SLC44A5: variants seen among roughly 807,000 people sequenced by gnomAD.
SLC44A5 encodes choline transporter-like protein 5.
Under a neutral mutation model 101.8 loss-of-function variants are expected in SLC44A5, and 57 were observed. The ratio of observed to expected loss-of-function variants is 0.56; its 90% CI spans 0.45 to 0.70. SLC44A5 has a LOEUF of 0.70. SLC44A5 is among the 30% of genes least tolerant of loss of function. The probability of loss-of-function intolerance (pLI) is 0.00; values close to 1 mark genes in which losing one functional copy is unlikely to be tolerated. For missense variants in SLC44A5, 737 were observed against 853.1 expected, an observed-to-expected ratio of 0.86 and a Z score of 1.70; for synonymous variants, 281 against 290.9, an observed-to-expected ratio of 0.97 and a Z score of 0.35.
intron 3 of SLC44A5, among the ~76,000 whole-genome samples, chr1:75,372,818 A>G (rs1282966713): frequency 1.3e-5 from 2 of 152,234 alleles, no homozygotes; most frequent in Non-Finnish European, 1.5e-5. Context: ...TTAATGAAAT[A>G]GCTTTGGTTG....
intron 3 of SLC44A5, among the ~76,000 whole-genome samples, chr1:75,373,221 G>C (rs779607200): frequency 1.2e-4 from 18 of 152,112 alleles, no homozygotes; most frequent in Non-Finnish European, 2.6e-4. Context: ...AATATTTTGA[G>C]AGAAAACACC....
At chr1:75,306,860 G>A (rs886346970) in intron 4 of SLC44A5, among the ~76,000 whole-genome samples, 4 of 148,190 alleles carry the variant, frequency 2.7e-5, no homozygotes, top group South Asian at 2.2e-4. Context: ...TCAGCCTCCC[G>A]AGTAGCTGGG....
intron 2 of SLC44A5, among the ~76,000 whole-genome samples, chr1:75,512,149 AATAT>A (rs1280033553): frequency 6.6e-6 from 1 of 152,164 alleles, no homozygotes; most frequent in African/African-American, 2.4e-5. Flanking sequence ...TTTCTCCCTA[AATAT>A]ATAATCTACT....
At chr1:75,659,626 CCAA>C in the SLC44A5 span, among the ~76,000 whole-genome samples, 31 of 35,816 alleles carry the variant, frequency 8.7e-4, no homozygotes, top group African/African-American at 1.5e-3. Context: ...CCCATCTCTA[CCAA>C]AAAAAAAAAA....
At chr1:75,655,238 C>T in the SLC44A5 span, among the ~76,000 whole-genome samples, 1 of 152,080 alleles carries the variant, frequency 6.6e-6, no homozygotes, top group Admixed American at 6.5e-5. Flanking sequence ...TTCACCAATC[C>T]CCCATGACAC....
the SLC44A5 span, among the ~76,000 whole-genome samples, chr1:75,633,850 T>C: frequency 6.6e-6 from 1 of 152,190 alleles, no homozygotes; most frequent in Non-Finnish European, 1.5e-5. Flanking sequence ...TGATATTGGC[T>C]GTGGGTTTGT....
At chr1:75,251,137 G>A (rs1649532903) in intron 7 of SLC44A5, 73 bp downstream of exon 7, 1 of 1,222,764 alleles carries the variant, frequency 8.2e-7, no homozygotes, top group Non-Finnish European at 1.2e-6. Context: ...GAACTCAAAT[G>A]GAATTTCTCA....
At chr1:75,523,370 T>C (rs1670244410) in intron 2 of SLC44A5, among the ~76,000 whole-genome samples, 1 of 152,198 alleles carries the variant, frequency 6.6e-6, no homozygotes. Flanking sequence ...TGGAGTGCAG[T>C]TGTGTGATCT....
At chr1:75,286,532 C>CGTTG (rs1653065251) in intron 5 of SLC44A5, among the ~76,000 whole-genome samples, 1 of 151,870 alleles carries the variant, frequency 6.6e-6, no homozygotes, top group African/African-American at 2.4e-5. Flanking sequence ...GCCTAAATAC[C>CGTTG]TTGATTTTTT....
the SLC44A5 span, among the ~76,000 whole-genome samples, chr1:75,682,352 C>G: frequency 1.3e-5 from 2 of 152,000 alleles, no homozygotes; most frequent in Non-Finnish European, 2.9e-5. Flanking sequence ...TGACTTCAAA[C>G]TATACTACAA....
At chr1:75,457,240 T>C (rs148468406) in intron 2 of SLC44A5, among the ~76,000 whole-genome samples, 28 of 152,322 alleles carry the variant, frequency 1.8e-4, no homozygotes, top group Middle Eastern at 3.4e-3. Context: ...GCCTACCGTA[T>C]GCTTGGGACA....
chr1:75,206,681 G>T (rs757092727), intron 23 of SLC44A5: 2 of 1,612,890 alleles, frequency 1.2e-6, no homozygotes, highest in Non-Finnish European at 8.5e-7. Flanking sequence ...ACGAAGTAGG[G>T]TTTTTCTGTA....
intron 2 of SLC44A5, among the ~76,000 whole-genome samples, chr1:75,423,858 G>A (rs1664154952): frequency 6.6e-6 from 1 of 152,190 alleles, no homozygotes; most frequent in African/African-American, 2.4e-5. Flanking sequence ...ATCAACTGCT[G>A]TTTTCCATTT....
intron 2 of SLC44A5, among the ~76,000 whole-genome samples, chr1:75,532,596 C>A (rs1292047969): frequency 2.6e-5 from 4 of 152,174 alleles, no homozygotes; most frequent in Non-Finnish European, 5.9e-5. Context: ...TATTCTCTAA[C>A]ATACTACATA....
chr1:75,607,739 T>A (rs1675408522), intron 1 of SLC44A5, among the ~76,000 whole-genome samples: 1 of 152,012 alleles, frequency 6.6e-6, no homozygotes, highest in South Asian at 2.1e-4. Flanking sequence ...CCCCTGTACA[T>A]GCTATCTTGC....
chr1:75,630,611 A>T, the SLC44A5 span, among the ~76,000 whole-genome samples: 3 of 151,930 alleles, frequency 2.0e-5, no homozygotes, highest in Admixed American at 2.0e-4. Context: ...TATTATTATT[A>T]TTACTATTAC....
chr1:75,486,841 G>A (rs930532132), intron 2 of SLC44A5, among the ~76,000 whole-genome samples: 1 of 152,158 alleles, frequency 6.6e-6, no homozygotes, highest in Admixed American at 6.5e-5. Flanking sequence ...TACTGTTCTT[G>A]ATATTGTATT....
intron 3 of SLC44A5, 46 bp downstream of exon 3, chr1:75,396,537 C>T (rs1159886262): frequency 9.8e-6 from 14 of 1,429,366 alleles, no homozygotes; most frequent in Non-Finnish European, 1.4e-5. Context: ...AATGGATAGA[C>T]TGTCATGAAA....
At chr1:75,252,314 G>A (rs559436722) in intron 6 of SLC44A5, among the ~76,000 whole-genome samples, 77 of 152,144 alleles carry the variant, frequency 5.1e-4, no homozygotes, top group Non-Finnish European at 9.7e-4. Flanking sequence ...AAAATGTAAT[G>A]GGCTATTGAG....
Sources: gnomAD v4.1 joint callset for allele counts (sites outside exome capture counted in the v4.1 genomes callset) on GRCh38, gnomAD v4.1.1 for gene constraint, MANE v1.5 for transcripts, NCBI Gene and HGNC (gene_info 2026-07-23, HGNC 2026-07-21) for gene names.